Variants in FRK observed in about 807,000 individuals in gnomAD.
FRK encodes the protein fyn related Src family tyrosine kinase.
FRK carries 51 observed loss-of-function variants against 56.4 expected under a neutral mutation model. The ratio of observed to expected loss-of-function variants is 0.90; its 90% confidence interval spans 0.72 to 1.14. The LOEUF (loss-of-function observed/expected upper bound fraction) is 1.14. FRK is among the 50% of genes most tolerant of loss of function. The pLI is 0.00. For synonymous variants in FRK, 245 were observed against 217.9 expected, an observed-to-expected ratio of 1.12 and a Z score of -1.10; for missense variants, 570 against 601.4, an observed-to-expected ratio of 0.95 and a Z score of 0.55.
At chr6:115,978,651 G>T (rs769044715) in intron 2 of FRK, among the ~76,000 whole-genome samples, 82 of 152,270 alleles carry the variant, frequency 5.4e-4, no homozygotes, top group Non-Finnish European at 8.8e-4. Flanking sequence ...CTGCATAAAT[G>T]ATGGTGGTTC....
intron 1 of FRK, among the ~76,000 whole-genome samples, chr6:116,053,322 G>C (rs1477728699): frequency 6.6e-6 from 1 of 152,120 alleles, no homozygotes; most frequent in African/African-American, 2.4e-5. Context: ...GGAATTTTCT[G>C]AGCTGCAACA....
At chr6:116,061,881 T>A (rs1777636638), upstream of FRK, among the ~76,000 whole-genome samples, 2 of 151,558 alleles carry the variant, frequency 1.3e-5, no homozygotes, top group South Asian at 4.1e-4. Flanking sequence ...TAACTTCTGT[T>A]CTTTTTCAAA....
At chr6:116,047,345 TA>T (rs1328735226) in intron 1 of FRK, among the ~76,000 whole-genome samples, 2 of 150,972 alleles carry the variant, frequency 1.3e-5, no homozygotes, top group Non-Finnish European at 2.9e-5. Flanking sequence ...GTAGTTTTTT[TA>T]GGAAACTGCA....
intron 1 of FRK, among the ~76,000 whole-genome samples, chr6:116,023,853 A>C (rs1381230235): frequency 6.6e-6 from 1 of 152,144 alleles, no homozygotes; most frequent in Non-Finnish European, 1.5e-5. Flanking sequence ...TGTAAGCTTA[A>C]AATCTGTTAT....
intron 2 of FRK, among the ~76,000 whole-genome samples, chr6:115,974,784 G>C (rs1317474609): frequency 1.3e-5 from 2 of 152,058 alleles, no homozygotes; most frequent in African/African-American, 4.8e-5. Flanking sequence ...TGCTTTTCCT[G>C]TGAATCTTCT....
At position 116,000,223 on chromosome 6, in the gene FRK, C is replaced by CTTTTTTTTTTTTT. The variant is rs561273499; in HGVS notation, c.466+3641_466+3653dup. Among the ~76,000 whole-genome samples the CTTTTTTTTTTTTT allele has an allele frequency of 1.0e-3, 55 of 53,094 alleles. 10 individuals are homozygous for CTTTTTTTTTTTTT. Among genetic ancestry groups the CTTTTTTTTTTTTT allele is most frequent in the South Asian group, 3.6e-3 (7 of 1,942 alleles). The allele number at this position is 53,094 out of a possible 152,430, so 34.8% of individuals were successfully genotyped here. A position where few individuals can be genotyped will look rare whatever the true frequency, so the allele number is the denominator to read the frequency against. On this transcript the variant is annotated intron_variant, in intron 2 of 7. Transcript: ENST00000606080. ...TTTCCTCATGAAAATATCATTCTTTCTTTTTTTTTTTTTTTTTTTTTTTTT... is the reference window on the plus strand; with the variant it reads ...TTTCCTCATGAAAATATCATTCTTTCTTTTTTTTTTTTTTTTTTTTTTTTTTTTTTTTTTTTTT...
At chr6:115,985,485 A>C (rs1488917983) in intron 2 of FRK, among the ~76,000 whole-genome samples, 1 of 152,132 alleles carries the variant, frequency 6.6e-6, no homozygotes, top group African/African-American at 2.4e-5. Context: ...TTTGCAAAGA[A>C]TTTTCACATA....
rs1163436297 is a variant in FRK, at chr6:115,935,105, A to G, written c.*7309T>C. The G allele has an allele frequency of 6.6e-6, 1 of 152,494 alleles. No homozygotes were observed. Among genetic ancestry groups the G allele is most frequent in the African/African-American group, 2.4e-5 (1 of 41,478 alleles). 9.4% of individuals were successfully genotyped at this position (152,494 alleles called of 1,614,324 possible). On this transcript the variant is annotated 3_prime_UTR_variant, in exon 8 of 8. Coordinates refer to ENST00000606080, the MANE Select transcript of FRK (RefSeq NM_002031.3). ...TGGTCTGCAGCTCCCAGTGAGATCA[A>G]CGCAGAAGGCGGGTGATTTCTGCAT...
At chr6:115,949,004 C>T (rs1011303582) in intron 5 of FRK, among the ~76,000 whole-genome samples, 2 of 152,088 alleles carry the variant, frequency 1.3e-5, no homozygotes, top group African/African-American at 4.8e-5. Flanking sequence ...AGGAAGTTTC[C>T]TTGTAAGTTG....
chr6:115,945,334 G>A (rs1252833605), intron 5 of FRK, among the ~76,000 whole-genome samples: 1 of 152,126 alleles, frequency 6.6e-6, no homozygotes, highest in Non-Finnish European at 1.5e-5. Context: ...TACGAACAGT[G>A]TACAAGTGTT....
At chr6:116,025,913 C>T (rs534018984) in intron 1 of FRK, among the ~76,000 whole-genome samples, 1 of 152,234 alleles carries the variant, frequency 6.6e-6, no homozygotes, top group South Asian at 2.1e-4. Context: ...GCCTCAGTTT[C>T]CTCATCTGAG....
intron 2 of FRK, among the ~76,000 whole-genome samples, chr6:116,001,538 T>C (rs755337444): frequency 6.6e-6 from 1 of 152,160 alleles, no homozygotes; most frequent in South Asian, 2.1e-4. Context: ...CTCTTTAACT[T>C]TGGGACTTTC....
intron 1 of FRK, among the ~76,000 whole-genome samples, chr6:116,037,145 G>A (rs1776518024): frequency 6.6e-6 from 1 of 151,946 alleles, no homozygotes; most frequent in Non-Finnish European, 1.5e-5. Flanking sequence ...AGAAGCCTTT[G>A]GTTTTACCAC....
At chr6:115,951,164 T>A (rs1288717954) in intron 5 of FRK, among the ~76,000 whole-genome samples, 3 of 152,074 alleles carry the variant, frequency 2.0e-5, no homozygotes, top group African/African-American at 7.2e-5. Flanking sequence ...AATTTAAGTA[T>A]AATCTTAAAA....
intron 1 of FRK, chr6:116,039,193 G>T: frequency 1.5e-6 from 2 of 1,347,308 alleles, no homozygotes; most frequent in South Asian, 2.3e-5. Context: ...CGAGAAGAAA[G>T]AGGTCATCGC....
chr6:116,002,583 C>A lies in FRK; in HGVS notation c.466+1294G>T, dbSNP rs1015584845. 4.9e-5 allele frequency: 19 copies of A among 390,820 alleles called. No individual in the cohort carries two copies. The Admixed American group carries it at 4.9e-4, about 10-fold the overall frequency. The allele number at this position is 390,820 out of a possible 1,614,324, so 24.2% of individuals were successfully genotyped here. A position where few individuals can be genotyped will look rare whatever the true frequency, so the allele number is the denominator to read the frequency against. On this transcript the variant is annotated intron_variant, in intron 2 of 7. Coordinates refer to ENST00000606080, the MANE Select transcript of FRK (RefSeq NM_002031.3). ...AGTGAGCCACTGCACTCCAGCCTAGCCATAGAGCGACACTCCGTCTCAAAA... is the reference window on the plus strand; with the variant it reads ...AGTGAGCCACTGCACTCCAGCCTAGACATAGAGCGACACTCCGTCTCAAAA...
intron 1 of FRK, among the ~76,000 whole-genome samples, chr6:116,056,779 A>G (rs1365177829): frequency 6.6e-6 from 1 of 152,248 alleles, no homozygotes; most frequent in African/African-American, 2.4e-5. Flanking sequence ...ACTCATCTCT[A>G]AAATGAGCTA....
At chr6:116,093,128 C>A in the FRK span, among the ~76,000 whole-genome samples, 15 of 152,168 alleles carry the variant, frequency 9.9e-5, no homozygotes, top group Non-Finnish European at 2.1e-4. Context: ...ATTTACATCC[C>A]ACAGGAGGAC....
the FRK span, among the ~76,000 whole-genome samples, chr6:116,072,555 ACACACACAC>A: frequency 1.4e-5 from 2 of 146,458 alleles, no homozygotes; most frequent in Non-Finnish European, 3.0e-5. Context: ...ACACACACAC[ACACACACAC>A]AAGATACCTT....
Sources: gnomAD v4.1 joint callset for allele counts (sites outside exome capture counted in the v4.1 genomes callset) on GRCh38, gnomAD v4.1.1 for gene constraint, MANE v1.5 for transcripts, NCBI Gene and HGNC (gene_info 2026-07-23, HGNC 2026-07-21) for gene names.